SLC27A5: variants seen among roughly 807,000 people sequenced by gnomAD.
SLC27A5 encodes the protein long-chain fatty acid transport protein 5.
A neutral mutation model predicts 63.1 loss-of-function variants in SLC27A5; 47 were observed. The ratio of observed to expected loss-of-function variants is 0.74; its 90% CI spans 0.59 to 0.95. The LOEUF is 0.95. Among genes scored for constraint, SLC27A5 ranks in the 40% least tolerant of loss-of-function variants. The pLI is 0.00. For synonymous variants in SLC27A5, 391 were observed against 403.8 expected, an observed-to-expected ratio of 0.97 and a Z score of 0.38; for missense variants, 940 against 921.0, an observed-to-expected ratio of 1.02 and a Z score of -0.27.
chr19:58,509,166 T>A (rs2053381409), intron 3 of SLC27A5: 2 of 150,136 alleles, frequency 1.3e-5, no homozygotes, highest in South Asian at 4.2e-4. Flanking sequence ...GGCAGGTGGA[T>A]CACGAGGTCA....
chr19:58,504,506 G>C (rs144929606), intron 3 of SLC27A5, among the ~76,000 whole-genome samples: 1 of 146,172 alleles, frequency 6.8e-6, no homozygotes, highest in African/African-American at 2.5e-5. Context: ...AAAATTAGCC[G>C]CTTGTGGCGG....
At position 58,499,654 on chromosome 19, in the gene SLC27A5, T is replaced by TG. The variant is rs1341664568; in HGVS notation, c.1504dup (p.Gln502ProfsTer80). ...GCCGCGGTAGCCCACGAAGGGTTGCTGGCTTACCACCTTGGTCAGCAGCAG... is the reference window on the plus strand; with the variant it reads ...GCCGCGGTAGCCCACGAAGGGTTGCTGGGCTTACCACCTTGGTCAGCAGCAG... On this transcript the variant is annotated frameshift_variant, in exon 7 of 10. Coordinates refer to ENST00000263093, the MANE Select transcript of SLC27A5 (RefSeq NM_012254.3). LOFTEE classifies it high-confidence loss of function. 7.4e-6 allele frequency: 12 copies of TG among 1,612,356 alleles called. No individual in the cohort carries two copies. Among genetic ancestry groups the TG allele is most frequent in the Non-Finnish European group, 8.5e-6 (10 of 1,180,018 alleles).
Position 58,498,685 on chromosome 19 carries a change from T to C in SLC27A5, c.1903A>G (p.Met635Val). The C allele has an allele frequency of 6.2e-7, 1 of 1,613,900 alleles. No individual in the cohort carries two copies. Among genetic ancestry groups the C allele is most frequent in the South Asian group, 1.1e-5 (1 of 91,046 alleles). Residue 635 changes from methionine to valine, a missense_variant, in exon 10 of 10, where the codon ATG becomes GTG. Met to Val is a conservative substitution (Grantham distance 21). Transcript: ENST00000263093. ...AGTTTGAACGTGCTGGTGACCTCCA[T>C]GGCGTCCTGCAGGGCAGTGACCATG... ...TPHFIRIQDA[M>V]EVTSTFKLMK... is the part of the protein sequence containing the mutation.
intron 8 of SLC27A5, 69 bp downstream of exon 8, chr19:58,499,054 T>C: frequency 2.5e-6 from 4 of 1,604,796 alleles, no homozygotes; most frequent in Non-Finnish European, 3.4e-6. Context: ...CTTCCCCACC[T>C]GTAAAATCAG....
Position 58,510,010 on chromosome 19 carries a change from G to A in SLC27A5, c.899-5C>T, listed in dbSNP as rs761272712. ...GGATGGCTGGCTTCGGGAGGCCTTG[G>A]GATGAAGGCATGGCAAGGGCAGGGT... is the stretch of plus-strand genomic sequence containing the variant. On this transcript the variant is annotated splice_polypyrimidine_tract_variant and splice_region_variant and intron_variant, in intron 2 of 9. Transcript: ENST00000263093. 6.2e-7 allele frequency: 1 copy of A among 1,612,358 alleles called. No homozygotes were observed. The highest frequency in any genetic ancestry group is 8.5e-7 in the Non-Finnish European group (1 of 1,179,156).
chr19:58,504,337 C>A (rs1188538575), intron 3 of SLC27A5, among the ~76,000 whole-genome samples: 1 of 152,104 alleles, frequency 6.6e-6, no homozygotes, highest in African/African-American at 2.4e-5. Context: ...AGGATTTGCT[C>A]TGATATATTC....
intron 8 of SLC27A5, 59 bp downstream of exon 8, chr19:58,499,064 G>GA: frequency 6.2e-7 from 1 of 1,606,498 alleles, no homozygotes; most frequent in Non-Finnish European, 8.5e-7. Flanking sequence ...TGTAAAATCA[G>GA]AATAACGACC....
rs748900009 is a variant in SLC27A5 at position 58,500,640 on chromosome 19, C to A, written c.1249G>T (p.Glu417Ter). 3.1e-6 allele frequency: 5 copies of A among 1,614,136 alleles called. No individual in the cohort carries two copies. The highest frequency in any genetic ancestry group is 4.2e-6 in the Non-Finnish European group (5 of 1,180,032). The change falls in exon 5 of 10, where the codon GAG becomes TAG. Residue 417 changes from glutamate to a stop codon, truncating the protein, a stop_gained. Coordinates refer to ENST00000263093, the MANE Select transcript of SLC27A5 (RefSeq NM_012254.3). LOFTEE classifies it high-confidence loss of function. ...GGACCGAAGCGCTGCTGGAAGGTCTCCCACACATCAGCCCGTAGTCCATTG... is the reference window on the plus strand; with the variant it reads ...GGACCGAAGCGCTGCTGGAAGGTCTACCACACATCAGCCCGTAGTCCATTG... ...MGNGLRADVWETFQQRFGPIR... is the reference protein window; with the variant it reads ...MGNGLRADVW
intron 3 of SLC27A5, among the ~76,000 whole-genome samples, chr19:58,504,723 G>C (rs1408051448): frequency 6.8e-6 from 1 of 147,102 alleles, no homozygotes; most frequent in Non-Finnish European, 1.5e-5. Context: ...AATTAAACTG[G>C]CCCTGGGCGC....
At position 58,500,649 on chromosome 19, in the gene SLC27A5, C is replaced by T. The variant is rs905902951; in HGVS notation, c.1240G>A (p.Asp414Asn). 14 of 1,614,046 alleles carry T rather than the reference C, an allele frequency of 8.7e-6. No individual in the cohort carries two copies. The highest frequency in any genetic ancestry group is 1.1e-5 in the Non-Finnish European group (13 of 1,180,034). The part of the protein sequence containing the change: ...RLAMGNGLRA[D>N]VWETFQQRFG... Reference sequence around the variant, plus strand: ...CGCTGCTGGAAGGTCTCCCACACATCAGCCCGTAGTCCATTGCCCATTGCC... The same window carrying T: ...CGCTGCTGGAAGGTCTCCCACACATTAGCCCGTAGTCCATTGCCCATTGCC... Residue 414 changes from aspartate (D) to asparagine (N), a missense_variant, in exon 5 of 10, where the codon GAT becomes AAT. By Grantham distance (23) the Asp-to-Asn change is conservative (BLOSUM62 1). Coordinates refer to ENST00000263093, the MANE Select transcript of SLC27A5 (RefSeq NM_012254.3).
intron 3 of SLC27A5, among the ~76,000 whole-genome samples, chr19:58,503,029 A>T (rs1247485448): frequency 6.6e-6 from 1 of 151,856 alleles, no homozygotes; most frequent in African/African-American, 2.4e-5. Flanking sequence ...ACACGGTGAA[A>T]CCCGTCTCTA....
intron 3 of SLC27A5, among the ~76,000 whole-genome samples, chr19:58,506,405 C>T (rs2053348049): frequency 6.6e-6 from 1 of 152,158 alleles, no homozygotes; most frequent in Non-Finnish European, 1.5e-5. Context: ...TGTGGAGGCG[C>T]ATGCCTGTAA....
Position 58,500,582 on chromosome 19 carries a change from T to C in SLC27A5, c.1307A>G (p.Glu436Gly). 6.2e-7 allele frequency: 1 copy of C among 1,614,116 alleles called. No homozygotes were observed. The highest frequency in any genetic ancestry group is 8.5e-7 in the Non-Finnish European group (1 of 1,180,026). Reference protein sequence around the residue: ...IRIWEVYGSTEGNMGLVNYVG... With the variant: ...IRIWEVYGSTGGNMGLVNYVG... Reference sequence around the variant, plus strand: ...ATAGTTGACTAAGCCCATGTTGCCTTCTGTGGAGCCGTAGACTTCCCAGAT... The same window carrying C: ...ATAGTTGACTAAGCCCATGTTGCCTCCTGTGGAGCCGTAGACTTCCCAGAT... The change falls in exon 5 of 10, where the codon GAA (glutamate) becomes GGA (glycine). Residue 436 changes from glutamate to glycine, a missense_variant. Glu to Gly is a moderately conservative substitution (Grantham distance 98, BLOSUM62 -2). Coordinates refer to ENST00000263093, the MANE Select transcript of SLC27A5 (RefSeq NM_012254.3).
Position 58,510,021 on chromosome 19 carries a change from T to C in SLC27A5, c.899-16A>G, listed in dbSNP as rs930579932. ...TTCGGGAGGCCTTGGGATGAAGGCA[T>C]GGCAAGGGCAGGGTGGTGACATGAC... is the stretch of plus-strand genomic sequence containing the variant. On this transcript the variant is annotated splice_polypyrimidine_tract_variant and intron_variant, in intron 2 of 9. Transcript: ENST00000263093. 7.5e-6 allele frequency: 12 copies of C among 1,610,360 alleles called. No individual in the cohort carries two copies. Among genetic ancestry groups the C allele is most frequent in the Admixed American group, 1.7e-5 (1 of 59,780 alleles).
chr19:58,511,176 G>C, intron 1 of SLC27A5, 92 bp downstream of exon 1: 1 of 1,345,546 alleles, frequency 7.4e-7, no homozygotes, highest in Non-Finnish European at 1.0e-6. Flanking sequence ...GGCAGGTGGG[G>C]ACCAAGGGCC....
chr19:58,503,575 A>C (rs2053308233), intron 3 of SLC27A5, among the ~76,000 whole-genome samples: 1 of 152,068 alleles, frequency 6.6e-6, no homozygotes, highest in Non-Finnish European at 1.5e-5. Context: ...AGGTGGAAGA[A>C]TCGCTTGAAC....
At chr19:58,499,278 C>T (rs2053245170) in intron 7 of SLC27A5, 58 bp from the exon 8 acceptor site, 1 of 1,535,108 alleles carries the variant, frequency 6.5e-7, no homozygotes, top group South Asian at 1.2e-5. Flanking sequence ...GGCCCCGCCT[C>T]TTGCCCCCGC....
chr19:58,499,269 G>C, intron 7 of SLC27A5, 49 bp from the exon 8 acceptor site: 1 of 1,564,358 alleles, frequency 6.4e-7, no homozygotes. Context: ...GGAAGGAGAG[G>C]CCCCGCCTCT....
Position 58,498,375 on chromosome 19 carries a change from C to T in SLC27A5, c.*140G>A. 2.5e-6 allele frequency: 2 copies of T among 793,718 alleles called. No individual in the cohort carries two copies. The highest frequency in any genetic ancestry group is 3.9e-6 in the Non-Finnish European group (2 of 510,796). The allele number at this position is 793,718 out of a possible 1,614,324, so 49.2% of individuals were successfully genotyped here. On this transcript the variant is annotated 3_prime_UTR_variant, in exon 10 of 10. Coordinates refer to ENST00000263093, the MANE Select transcript of SLC27A5 (RefSeq NM_012254.3). ...AGTTTATTCTGCCACTGCTACAGGG[C>T]CCACTGTCATTTCCAGCCCACTGAG... is the stretch of plus-strand genomic sequence containing the variant.
Sources: gnomAD v4.1 joint callset for allele counts (sites outside exome capture counted in the v4.1 genomes callset) on GRCh38, gnomAD v4.1.1 for gene constraint, MANE v1.5 for transcripts, NCBI Gene and HGNC (gene_info 2026-07-23, HGNC 2026-07-21) for gene names.